The following DIP2C variants were observed in gnomAD, a reference collection of about 807,000 sequenced individuals.
DIP2C encodes DIP2 acetate--CoA ligase C (putative).
DIP2C carries 33 observed loss-of-function variants against 192.4 expected under a neutral mutation model. The ratio of observed to expected loss-of-function variants is 0.17; its 90% CI spans 0.13 to 0.23. The LOEUF is 0.23. Among genes scored for constraint, DIP2C ranks in the 10% least tolerant of loss-of-function variants. The pLI, the probability that DIP2C is intolerant of heterozygous loss-of-function variation, is 1.00. For synonymous variants in DIP2C, 979 were observed against 864.1 expected (o/e 1.13, Z -2.33); for missense variants, 1,537 against 2,110.1 (o/e 0.73, Z 5.32).
intron 23 of DIP2C, among the ~76,000 whole-genome samples, chr10:357,224 G>A (rs1486985035): frequency 3.3e-5 from 5 of 152,344 alleles, no homozygotes; most frequent in East Asian, 1.9e-4. Flanking sequence ...GACCGTGGAC[G>A]CACACGGCAC....
At chr10:410,643 A>G (rs1304884089) in intron 8 of DIP2C, among the ~76,000 whole-genome samples, 1 of 152,244 alleles carries the variant, frequency 6.6e-6, no homozygotes, top group Admixed American at 6.5e-5. Context: ...TGCAACTGAA[A>G]GAAAAACAAT....
chr10:597,805 C>CA (rs1851804545), intron 1 of DIP2C, among the ~76,000 whole-genome samples: 1 of 152,166 alleles, frequency 6.6e-6, no homozygotes, highest in African/African-American at 2.4e-5. Context: ...GCTGGGGCCA[C>CA]ACGAGGACAC....
At chr10:624,685 G>A (rs1854085927) in intron 1 of DIP2C, among the ~76,000 whole-genome samples, 1 of 152,160 alleles carries the variant, frequency 6.6e-6, no homozygotes, top group South Asian at 2.1e-4. Flanking sequence ...GCAGCCCCCT[G>A]ACAAGTATGC....
At chr10:341,095 A>G (rs2132558123) in intron 29 of DIP2C, 104 bp downstream of exon 29, 1 of 1,501,606 alleles carries the variant, frequency 6.7e-7, no homozygotes, top group Non-Finnish European at 9.2e-7. Flanking sequence ...CTCTGGCAGG[A>G]GTGGGGGTGT....
chr10:385,126 G>A (rs1046410635), intron 14 of DIP2C, among the ~76,000 whole-genome samples: 3 of 151,398 alleles, frequency 2.0e-5, no homozygotes, highest in Non-Finnish European at 2.9e-5. Context: ...CTCTCATGGA[G>A]CACCGTGGAC....
intron 4 of DIP2C, among the ~76,000 whole-genome samples, chr10:428,393 C>T (rs1966734445): frequency 6.6e-6 from 1 of 152,058 alleles, no homozygotes; most frequent in South Asian, 2.1e-4. Flanking sequence ...TCGTTTCATC[C>T]GTGTTTATAA....
intron 1 of DIP2C, among the ~76,000 whole-genome samples, chr10:625,395 A>G (rs902937015): frequency 6.6e-6 from 1 of 152,202 alleles, no homozygotes; most frequent in Admixed American, 6.5e-5. Context: ...TAAATTAAAC[A>G]CTGTTCGGAG....
chr10:327,191 A>G lies in DIP2C; in HGVS notation c.3754-15T>C, dbSNP rs373415260. ...AGCCCTCGCGCCTGGAGATGATGAC[A>G]GAGAAACCGAGTCAGCCCCCACGTG... On this transcript the variant is annotated splice_polypyrimidine_tract_variant and intron_variant, in intron 30 of 36. Transcript: ENST00000280886. 161 of 1,610,224 alleles carry G rather than the reference A, an allele frequency of 1.0e-4. No individual in the cohort carries two copies. In the African/African-American group the frequency reaches 1.8e-3, roughly 18 times the overall value.
intron 10 of DIP2C, among the ~76,000 whole-genome samples, chr10:394,216 CG>C (rs2132978830): frequency 6.6e-6 from 1 of 152,278 alleles, no homozygotes; most frequent in African/African-American, 2.4e-5. Context: ...GCACACTGGG[CG>C]CTATTCAGCC....
chr10:421,296 A>C (rs1051238747), intron 5 of DIP2C, among the ~76,000 whole-genome samples: 2 of 152,254 alleles, frequency 1.3e-5, no homozygotes, highest in Non-Finnish European at 2.9e-5. Context: ...CTGCAAGGGT[A>C]AACCCGCAAA....
chr10:677,790 A>G lies in DIP2C; in HGVS notation c.85+11704T>C, dbSNP rs145834242. 7.3e-3 allele frequency among the ~76,000 whole-genome samples: 1,112 copies of G among 152,348 alleles called. 9 individuals carry two copies. The highest frequency in any genetic ancestry group is 0.019 in the African/African-American group (779 of 41,576). ...AAAGCCCCAGCCTGGCCAGGTGTCC[A>G]GCCAGTGAGGGTGGAGACCCAGACT... On this transcript the variant is annotated intron_variant, in intron 1 of 36. Transcript: ENST00000280886.
intron 1 of DIP2C, among the ~76,000 whole-genome samples, chr10:579,839 CACATCTGTACAGTGTACAT>C (rs1850479090): frequency 6.6e-6 from 1 of 152,098 alleles, no homozygotes; most frequent in African/African-American, 2.4e-5. Context: ...AGCATGTACA[CACATCTGTACAGTGTACAT>C]GCATATGTAC....
intron 1 of DIP2C, among the ~76,000 whole-genome samples, chr10:584,411 C>A (rs1012794396): frequency 6.1e-5 from 9 of 148,308 alleles, no homozygotes; most frequent in Non-Finnish European, 1.3e-4. Context: ...CATCACCTCT[C>A]AATCTCGGGG....
At chr10:555,726 A>C (rs1173101971) in intron 1 of DIP2C, among the ~76,000 whole-genome samples, 1 of 152,182 alleles carries the variant, frequency 6.6e-6, no homozygotes, top group East Asian at 1.9e-4. Flanking sequence ...AAAGGCAGGC[A>C]AACTATGAAA....
At chr10:558,929 C>T (rs1849048027) in intron 1 of DIP2C, among the ~76,000 whole-genome samples, 1 of 151,908 alleles carries the variant, frequency 6.6e-6, no homozygotes, top group Admixed American at 6.5e-5. Context: ...CCACCCGACC[C>T]CTCCCCCACC....
intron 32 of DIP2C, among the ~76,000 whole-genome samples, chr10:306,912 G>C (rs1564532247): frequency 6.6e-6 from 1 of 152,190 alleles, no homozygotes. Flanking sequence ...GTGATTCCCA[G>C]GGTTGGAGGT....
At chr10:676,079 T>A (rs1168082219) in intron 1 of DIP2C, among the ~76,000 whole-genome samples, 1 of 151,980 alleles carries the variant, frequency 6.6e-6, no homozygotes, top group East Asian at 1.9e-4. Flanking sequence ...CAAGTGGGAT[T>A]TCTCCCAGGA....
chr10:492,289 C>G (rs534727082), intron 1 of DIP2C, among the ~76,000 whole-genome samples: 1 of 152,322 alleles, frequency 6.6e-6, no homozygotes, highest in African/African-American at 2.4e-5. Flanking sequence ...TGGGCTGTGA[C>G]CAAACTCCCC....
At chr10:607,170 A>C (rs1852553517) in intron 1 of DIP2C, among the ~76,000 whole-genome samples, 1 of 152,216 alleles carries the variant, frequency 6.6e-6, no homozygotes, top group African/African-American at 2.4e-5. Context: ...AAAGCTCTAC[A>C]AAGTCGTCCT....
Sources: allele counts gnomAD v4.1 joint callset (sites outside exome capture counted in the v4.1 genomes callset), GRCh38; gene constraint gnomAD v4.1.1; transcripts MANE v1.5; gene names NCBI Gene and HGNC (gene_info 2026-07-23, HGNC 2026-07-21).